TMPRSS15: variants seen among roughly 807,000 people sequenced by gnomAD.
TMPRSS15 encodes the protein transmembrane serine protease 15, also known as enteropeptidase.
TMPRSS15 carries 128 observed loss-of-function variants against 125.3 expected under a neutral mutation model. The observed-to-expected ratio is 1.02, with a 90% confidence interval of 0.89 to 1.18. The LOEUF is 1.18. Among genes scored for constraint, TMPRSS15 ranks in the 50% most tolerant of loss-of-function variants. The probability of loss-of-function intolerance (pLI) is 0.00; values close to 1 mark genes in which losing one functional copy is unlikely to be tolerated. For missense variants in TMPRSS15, 1,283 were observed against 1,212.7 expected, an observed-to-expected ratio of 1.06 and a Z score of -0.86; for synonymous variants, 446 against 423.2, an observed-to-expected ratio of 1.05 and a Z score of -0.66.
chr21:18,382,586 G>A (rs977665194), intron 4 of TMPRSS15, among the ~76,000 whole-genome samples: 14 of 152,128 alleles, frequency 9.2e-5, no homozygotes, highest in African/African-American at 2.7e-4. Flanking sequence ...CAAACATACC[G>A]ATTGATCTCA....
At chr21:18,381,634 C>G (rs1186805751) in intron 4 of TMPRSS15, among the ~76,000 whole-genome samples, 1 of 152,052 alleles carries the variant, frequency 6.6e-6, no homozygotes. Context: ...TAAATTAACT[C>G]AAAGGATATG....
chr21:18,283,825 A>C (rs1454420872), intron 21 of TMPRSS15, among the ~76,000 whole-genome samples: 1 of 152,192 alleles, frequency 6.6e-6, no homozygotes, highest in Admixed American at 6.6e-5. Flanking sequence ...TCTTCTTTGT[A>C]AATACTATAC....
At chr21:18,302,858 G>A (rs1049446722) in intron 18 of TMPRSS15, among the ~76,000 whole-genome samples, 1 of 152,130 alleles carries the variant, frequency 6.6e-6, no homozygotes, top group African/African-American at 2.4e-5. Context: ...CTTGGGCAAC[G>A]TGAACCACTT....
chr21:18,355,827 T>G (rs2075619217), intron 8 of TMPRSS15, among the ~76,000 whole-genome samples: 1 of 151,818 alleles, frequency 6.6e-6, no homozygotes, highest in Non-Finnish European at 1.5e-5. Context: ...AAGGATGAGA[T>G]CATGACTTAA....
chr21:18,279,752 G>C (rs544874021), intron 22 of TMPRSS15, among the ~76,000 whole-genome samples: 5 of 152,082 alleles, frequency 3.3e-5, no homozygotes, highest in African/African-American at 1.2e-4. Flanking sequence ...TGAAAATTAT[G>C]GTAAGGATGA....
At chr21:18,279,116 T>A in intron 22 of TMPRSS15, 57 bp from the exon 23 acceptor site, 1 of 914,096 alleles carries the variant, frequency 1.1e-6, no homozygotes, top group Non-Finnish European at 1.8e-6. Flanking sequence ...AGAACAGATT[T>A]ACAAGCATTT....
chr21:18,277,948 A>C (rs1256099696), intron 23 of TMPRSS15, among the ~76,000 whole-genome samples: 3 of 152,168 alleles, frequency 2.0e-5, no homozygotes, highest in African/African-American at 7.2e-5. Flanking sequence ...AAGTACGAGA[A>C]TACTTTTCAA....
At chr21:18,273,243 T>G in intron 24 of TMPRSS15, among the ~76,000 whole-genome samples, 1 of 152,212 alleles carries the variant, frequency 6.6e-6, no homozygotes, top group Non-Finnish European at 1.5e-5. Context: ...TCAGAAGTTG[T>G]GGATGACTAA....
intron 3 of TMPRSS15, among the ~76,000 whole-genome samples, chr21:18,392,132 C>T (rs68017657): frequency 0.26 from 40,082 of 152,112 alleles, 5,536 homozygotes; most frequent in East Asian, 0.46. Context: ...TGACATGCCA[C>T]GGAGACATGT....
At chr21:18,358,285 A>T (rs2075645287) in intron 8 of TMPRSS15, among the ~76,000 whole-genome samples, 1 of 151,898 alleles carries the variant, frequency 6.6e-6, no homozygotes, top group Non-Finnish European at 1.5e-5. Context: ...AATAGGGATG[A>T]TAATATCACC....
intron 16 of TMPRSS15, among the ~76,000 whole-genome samples, chr21:18,316,288 T>C (rs2075166293): frequency 6.6e-6 from 1 of 152,138 alleles, no homozygotes; most frequent in South Asian, 2.1e-4. Flanking sequence ...ATCTCTTCAA[T>C]AAACAAACTC....
Position 18,270,212 on chromosome 21 carries a change from AT to A in TMPRSS15, c.2905-89del, listed in dbSNP as rs1475770863. The A allele has an allele frequency of 2.8e-5, 32 of 1,134,990 alleles. No homozygotes were observed. The African/African-American group carries it at 4.6e-4, about 16-fold the overall frequency. 70.3% of individuals were successfully genotyped at this position (1,134,990 alleles called of 1,614,324 possible). ...TTATTTGTATCAAATAAATTAAAAA[AT>A]AAAAATTAATTAAAAAATATGATTT... On this transcript the variant is annotated intron_variant, in intron 24 of 24. Transcript: ENST00000284885.
At chr21:18,412,565 TA>T (rs1331449488) in intron 1 of TMPRSS15, among the ~76,000 whole-genome samples, 3 of 152,198 alleles carry the variant, frequency 2.0e-5, no homozygotes, top group African/African-American at 7.2e-5. Flanking sequence ...ATTCATTGGG[TA>T]ATATTTCGTA....
At chr21:18,423,700 G>A (rs2076197090) in intron 1 of TMPRSS15, among the ~76,000 whole-genome samples, 2 of 149,860 alleles carry the variant, frequency 1.3e-5, no homozygotes, top group South Asian at 2.1e-4. Flanking sequence ...ACAGGCCTGA[G>A]CCACCGCGCC....
rs115302437 is a variant in TMPRSS15, at chr21:18,326,341, T to C, written c.1921+91A>G. On this transcript the variant is annotated intron_variant, in intron 16 of 24. Coordinates refer to ENST00000284885, the MANE Select transcript of TMPRSS15 (RefSeq NM_002772.3). ...GAATAAGTGTCACAGAAGGAAAGCA[T>C]TAAAATCATGATTTTGGCCTTGAAA... 3,847 of 1,517,192 alleles carry C rather than the reference T, an allele frequency of 2.5e-3. 84 individuals are homozygous for C. The African/African-American group carries it at 0.047, about 19-fold the overall frequency. 94.0% of individuals were successfully genotyped at this position (1,517,192 alleles called of 1,614,324 possible).
At chr21:18,272,284 T>C (rs1034772400) in intron 24 of TMPRSS15, among the ~76,000 whole-genome samples, 7 of 152,214 alleles carry the variant, frequency 4.6e-5, no homozygotes, top group African/African-American at 1.4e-4. Context: ...GGTATCTCAT[T>C]GTGGTTTTGA....
chr21:18,290,351 T>C (rs373237451), intron 21 of TMPRSS15, among the ~76,000 whole-genome samples: 1 of 6,326 alleles, frequency 1.6e-4, no homozygotes, highest in African/African-American at 8.1e-4. Flanking sequence ...ATTAGTTAAA[T>C]AGAAATAAGG....
intron 1 of TMPRSS15, among the ~76,000 whole-genome samples, chr21:18,411,883 A>G (rs2076166742): frequency 6.6e-6 from 1 of 152,164 alleles, no homozygotes; most frequent in Admixed American, 6.5e-5. Flanking sequence ...GAAGAACTCT[A>G]TTCATGGCAG....
chr21:18,436,095 T>C (rs943610486), intron 1 of TMPRSS15, among the ~76,000 whole-genome samples: 1 of 151,426 alleles, frequency 6.6e-6, no homozygotes, highest in African/African-American at 2.4e-5. Context: ...CCTGGATTCA[T>C]TAATTTTTTG....
Sources: gnomAD v4.1 joint callset for allele counts (sites outside exome capture counted in the v4.1 genomes callset) on GRCh38, gnomAD v4.1.1 for gene constraint, MANE v1.5 for transcripts, NCBI Gene and HGNC (gene_info 2026-07-23, HGNC 2026-07-21) for gene names.